Variants in NTRK2 observed in about 807,000 individuals in gnomAD.
NTRK2 encodes the protein BDNF/NT-3 growth factors receptor.
In NTRK2, 13 loss-of-function variants were observed where a neutral mutation model predicts 94.5. The ratio of observed to expected loss-of-function variants is 0.14; its 90% CI spans 0.09 to 0.22. The LOEUF is 0.22. Among genes scored for constraint, NTRK2 ranks in the 10% least tolerant of loss-of-function variants. The pLI is 1.00. For missense variants in NTRK2, 639 were observed against 1,071.2 expected (o/e 0.60, Z 5.63); for synonymous variants, 372 against 407.4 (o/e 0.91, Z 1.05).
intron 12 of NTRK2, among the ~76,000 whole-genome samples, chr9:84,781,817 A>T (rs549457971): frequency 3.9e-5 from 6 of 152,262 alleles, no homozygotes; most frequent in Admixed American, 3.9e-4. Flanking sequence ...GAGGGTCAAA[A>T]CATTCAACAA....
At chr9:85,008,455 C>T (rs1831208672) in intron 17 of NTRK2, among the ~76,000 whole-genome samples, 1 of 152,124 alleles carries the variant, frequency 6.6e-6, no homozygotes, top group African/African-American at 2.4e-5. Context: ...ACTGTATAAA[C>T]ACGAATGTGT....
rs781199866 is a variant in NTRK2, at chr9:84,772,293, C to T, written c.1396+20208C>T. Among the ~76,000 whole-genome samples, 6 of 152,028 alleles carry T rather than the reference C, an allele frequency of 3.9e-5. No homozygotes were observed. In the East Asian group the frequency reaches 1.2e-3, roughly 29 times the overall value. ...TTGAGACAGAGTCTCACTCTGTCAT[C>T]ACCCAGGCTGGACTGCAGTGGCAGG... On this transcript the variant is annotated intron_variant, in intron 12 of 18. Transcript: ENST00000277120.
At chr9:84,900,318 A>G (rs2132388885) in intron 14 of NTRK2, among the ~76,000 whole-genome samples, 1 of 152,316 alleles carries the variant, frequency 6.6e-6, no homozygotes, top group East Asian at 1.9e-4. Flanking sequence ...GTGGGACCAG[A>G]CATCAAGCTA....
chr9:84,914,215 A>G (rs1327326005), intron 14 of NTRK2, among the ~76,000 whole-genome samples: 1 of 151,898 alleles, frequency 6.6e-6, no homozygotes, highest in Non-Finnish European at 1.5e-5. Flanking sequence ...CCCGGCACTT[A>G]CTATTTTTTA....
At chr9:84,771,116 T>G (rs1350482395) in intron 12 of NTRK2, among the ~76,000 whole-genome samples, 2 of 152,222 alleles carry the variant, frequency 1.3e-5, no homozygotes, top group Non-Finnish European at 2.9e-5. Context: ...CATGTCACTT[T>G]GTTGTATACA....
intron 13 of NTRK2, 60 bp downstream of exon 13, chr9:84,861,147 G>A (rs1041512923): frequency 3.8e-6 from 5 of 1,307,218 alleles, no homozygotes; most frequent in Non-Finnish European, 5.5e-6. Context: ...TTATTCGGAT[G>A]AAAATGCTTA....
At chr9:84,962,408 A>C (rs1377931840) in intron 17 of NTRK2, among the ~76,000 whole-genome samples, 2 of 152,212 alleles carry the variant, frequency 1.3e-5, no homozygotes, top group African/African-American at 2.4e-5. Flanking sequence ...GCATGGAGAC[A>C]CGTTATTCCA....
Position 84,881,703 on chromosome 9 carries a change from A to G in NTRK2, c.1633+14272A>G, listed in dbSNP as rs74425257. 4.7e-3 allele frequency among the ~76,000 whole-genome samples: 709 copies of G among 152,282 alleles called. 13 individuals are homozygous for G. The highest frequency in any genetic ancestry group is 0.038 in the Admixed American group (575 of 15,298). On this transcript the variant is annotated intron_variant, in intron 14 of 18. Transcript: ENST00000277120. The stretch of plus-strand genomic sequence containing the variant: ...TTTGCCTATGATTCTGGTAGGAGCA[A>G]AAGGTTGGTTATCTTTCCTTTTGAA...
At chr9:84,922,871 T>G (rs567625308) in intron 14 of NTRK2, among the ~76,000 whole-genome samples, 1 of 152,352 alleles carries the variant, frequency 6.6e-6, no homozygotes, top group East Asian at 1.9e-4. Context: ...GTTTTGAAAG[T>G]ATTGCAAAAT....
chr9:84,671,526 G>A (rs1029860089), intron 2 of NTRK2, among the ~76,000 whole-genome samples: 3 of 152,180 alleles, frequency 2.0e-5, no homozygotes, highest in African/African-American at 7.2e-5. Flanking sequence ...TGATCTGTAA[G>A]AGGAGAAGTT....
chr9:84,902,650 G>A (rs1281678600), intron 14 of NTRK2, among the ~76,000 whole-genome samples: 2 of 152,334 alleles, frequency 1.3e-5, no homozygotes, highest in Non-Finnish European at 1.5e-5. Flanking sequence ...ACTACAAAGA[G>A]GGATAAGTCA....
chr9:84,922,194 C>T (rs191309554), intron 14 of NTRK2, among the ~76,000 whole-genome samples: 15 of 152,268 alleles, frequency 9.9e-5, no homozygotes, highest in African/African-American at 1.4e-4. Context: ...CATGCGGACA[C>T]GTCTTCACTG....
At chr9:84,737,363 A>G (rs1024156970) in intron 9 of NTRK2, among the ~76,000 whole-genome samples, 6 of 152,220 alleles carry the variant, frequency 3.9e-5, no homozygotes, top group Non-Finnish European at 8.8e-5. Flanking sequence ...CAAGATTTAC[A>G]TAAAGTCATA....
intron 12 of NTRK2, among the ~76,000 whole-genome samples, chr9:84,848,644 A>G (rs1043407324): frequency 2.0e-5 from 3 of 152,218 alleles, no homozygotes; most frequent in Non-Finnish European, 4.4e-5. Flanking sequence ...GAAGTCTGAG[A>G]CTATAGAATC....
chr9:84,959,484 T>G (rs912818327), intron 17 of NTRK2, among the ~76,000 whole-genome samples: 1 of 152,156 alleles, frequency 6.6e-6, no homozygotes, highest in Non-Finnish European at 1.5e-5. Context: ...TCTGTGCAAT[T>G]CATGGCAGGA....
At chr9:84,980,762 A>G (rs1033448995) in intron 17 of NTRK2, among the ~76,000 whole-genome samples, 2 of 152,258 alleles carry the variant, frequency 1.3e-5, no homozygotes, top group South Asian at 4.1e-4. Context: ...TGAAGCAGGC[A>G]TGCCAGGTTG....
intron 12 of NTRK2, among the ~76,000 whole-genome samples, chr9:84,848,076 G>A (rs1334109173): frequency 2.2e-5 from 2 of 91,812 alleles, no homozygotes; most frequent in Non-Finnish European, 4.2e-5. Flanking sequence ...CAGTAGAGAG[G>A]GGCAGAGAGA....
intron 12 of NTRK2, among the ~76,000 whole-genome samples, chr9:84,809,461 A>G (rs2071504089): frequency 6.7e-6 from 1 of 149,396 alleles, no homozygotes; most frequent in Non-Finnish European, 1.5e-5. Flanking sequence ...TAATATATAC[A>G]TATACAATGT....
At chr9:84,991,319 G>A (rs1038011789) in intron 17 of NTRK2, among the ~76,000 whole-genome samples, 4 of 152,192 alleles carry the variant, frequency 2.6e-5, no homozygotes, top group East Asian at 1.9e-4. Flanking sequence ...TAGCGGACAC[G>A]TTGCTTCCCT....
Sources: allele counts gnomAD v4.1 joint callset (sites outside exome capture counted in the v4.1 genomes callset), GRCh38; gene constraint gnomAD v4.1.1; transcripts MANE v1.5; gene names NCBI Gene and HGNC (gene_info 2026-07-23, HGNC 2026-07-21).